Variants in SMG9 observed in about 807,000 individuals in gnomAD.
The protein encoded by SMG9 is SMG9 nonsense mediated mRNA decay factor.
In SMG9, 55 loss-of-function variants were observed where a neutral mutation model predicts 64.0. The observed-to-expected ratio is 0.86, with a 90% CI of 0.69 to 1.08. SMG9 has a LOEUF of 1.08. Ranked by LOEUF, SMG9 falls within the 50% of genes least tolerant of loss-of-function variation. The pLI is 0.00. For missense variants in SMG9, 554 were observed against 681.3 expected (o/e 0.81, Z 2.08); for synonymous variants, 244 against 254.8 (o/e 0.96, Z 0.41).
rs1049888738 is a variant in SMG9, at chr19:43,730,486, G to A, written c.*1110C>T. The A allele has an allele frequency of 6.6e-6, 1 of 152,132 alleles. No individual in the cohort carries two copies. Among genetic ancestry groups the A allele is most frequent in the Non-Finnish European group, 1.5e-5 (1 of 68,030 alleles). The allele number at this position is 152,132 out of a possible 1,614,324, so 9.4% of individuals were successfully genotyped here. ...CCAACAGAAGGCACTGTCTGTACGG[G>A]TGAGGCATGGTATTTGGATTAAGGG... On this transcript the variant is annotated 3_prime_UTR_variant, in exon 14 of 14. Transcript: ENST00000270066.
chr19:43,751,035 G>C, intron 1 of SMG9, among the ~76,000 whole-genome samples: 1 of 151,934 alleles, frequency 6.6e-6, no homozygotes. Flanking sequence ...ATGTTGGCCA[G>C]GCTGGTCTCG....
intron 10 of SMG9, chr19:43,734,050 G>T: frequency 1.9e-6 from 1 of 526,038 alleles, no homozygotes; most frequent in East Asian, 3.1e-5. Context: ...GGCTAGAGGA[G>T]GGAGAACAGG....
At chr19:43,732,760 A>T in intron 13 of SMG9, 98 bp downstream of exon 13, 1 of 1,435,256 alleles carries the variant, frequency 7.0e-7, no homozygotes, top group Admixed American at 1.8e-5. Flanking sequence ...TCTGGAGAGG[A>T]GGGGCTTCAC....
intron 6 of SMG9, 146 bp from the exon 7 acceptor site, chr19:43,740,364 T>C: frequency 1.6e-6 from 1 of 636,876 alleles, no homozygotes; most frequent in East Asian, 2.8e-5. Flanking sequence ...TGTCAGGGGG[T>C]GGGAGGCGGG....
intron 5 of SMG9, 29 bp downstream of exon 5, chr19:43,747,413 A>G (rs758099255): frequency 1.2e-6 from 2 of 1,603,596 alleles, no homozygotes; most frequent in Non-Finnish European, 1.7e-6. Context: ...GATGTGCGGA[A>G]GCTCAGGCAG....
At chr19:43,732,751 C>A in intron 13 of SMG9, 107 bp downstream of exon 13, 4 of 1,370,646 alleles carry the variant, frequency 2.9e-6, no homozygotes, top group Non-Finnish European at 4.1e-6. Context: ...AACCTGGGAT[C>A]TGGAGAGGAG....
chr19:43,741,636 T>G (rs1275539526), intron 6 of SMG9, among the ~76,000 whole-genome samples: 1 of 152,146 alleles, frequency 6.6e-6, no homozygotes, highest in Non-Finnish European at 1.5e-5. Context: ...TGGCCTTATC[T>G]CCTACCACTC....
chr19:43,734,509 G>T lies in SMG9; in HGVS notation c.996-14C>A. The T allele has an allele frequency of 1.3e-6, 2 of 1,539,810 alleles. No individual in the cohort carries two copies. Among genetic ancestry groups the T allele is most frequent in the Non-Finnish European group, 1.8e-6 (2 of 1,136,596 alleles). On this transcript the variant is annotated splice_polypyrimidine_tract_variant and intron_variant, in intron 9 of 13. Coordinates refer to ENST00000270066, the MANE Select transcript of SMG9 (RefSeq NM_019108.4). The stretch of plus-strand genomic sequence containing the variant: ...GTCTGCAGGAACCTTGGGGTTTGGG[G>T]TGAGTGGCTGTTGCTCTTGCACTTG...
At position 43,729,047 on chromosome 19, in the gene SMG9, C is replaced by A. The variant is rs557919964; in HGVS notation, c.*2549G>T. ...TGCTGGCAGCATCAGCCTGAGTCCT[C>A]TGCTGGATGTAAAGGGGGTGGCGGG... is the stretch of plus-strand genomic sequence containing the variant. On this transcript the variant is annotated 3_prime_UTR_variant, in exon 14 of 14. Transcript: ENST00000270066. 11 of 985,462 alleles carry A rather than the reference C, an allele frequency of 1.1e-5. No individual in the cohort carries two copies. The South Asian group carries it at 4.2e-4, about 38-fold the overall frequency. 61.0% of individuals were successfully genotyped at this position (985,462 alleles called of 1,614,324 possible).
Position 43,733,018 on chromosome 19 carries a change from A to G in SMG9, c.1340-16T>C, listed in dbSNP as rs973836708. 2 of 1,600,884 alleles carry G rather than the reference A, an allele frequency of 1.2e-6. No individual in the cohort carries two copies. The highest frequency in any genetic ancestry group is 1.3e-5 in the African/African-American group (1 of 74,658). On this transcript the variant is annotated splice_polypyrimidine_tract_variant and intron_variant, in intron 12 of 13. Coordinates refer to ENST00000270066, the MANE Select transcript of SMG9 (RefSeq NM_019108.4). The stretch of plus-strand genomic sequence containing the variant: ...GAACCAGGTCCTGGAAAGTTGGGGC[A>G]GGGAGGGTAAGAGGGATAGACTGCC...
intron 9 of SMG9, among the ~76,000 whole-genome samples, chr19:43,735,105 G>A (rs1182796145): frequency 6.6e-6 from 1 of 152,134 alleles, no homozygotes; most frequent in East Asian, 1.9e-4. Context: ...CAGACTGTCT[G>A]TATAGTTGGA....
Position 43,734,573 on chromosome 19 carries a change from G to C in SMG9, c.996-78C>G, listed in dbSNP as rs2146362937. Reference sequence around the variant, plus strand: ...ACAGCCTGGGACAGGGGCTTCCTTTGAGATTCTGATGAAAGCTACAGCCAT... The same window carrying C: ...ACAGCCTGGGACAGGGGCTTCCTTTCAGATTCTGATGAAAGCTACAGCCAT... On this transcript the variant is annotated intron_variant, in intron 9 of 13. Transcript: ENST00000270066. The C allele has an allele frequency of 3.3e-6, 3 of 916,960 alleles. No individual in the cohort carries two copies. The East Asian group carries it at 8.0e-5, about 24-fold the overall frequency. The allele number at this position is 916,960 out of a possible 1,614,324, so 56.8% of individuals were successfully genotyped here. A position where few individuals can be genotyped will look rare whatever the true frequency, so the allele number is the denominator to read the frequency against.
In SMG9 at chr19:43,731,656, C is replaced by T. The variant is rs1051561379; in HGVS notation, c.1503G>A (p.Arg501=). The T allele has an allele frequency of 4.3e-6, 7 of 1,614,122 alleles. No individual in the cohort carries two copies. Among genetic ancestry groups the T allele is most frequent in the African/African-American group, 1.3e-5 (1 of 74,954 alleles). ...TEKNWFHYAA[R]IWDGVRKSSA... Reference sequence around the variant, plus strand: ...AGGACTTTCTCACCCCATCCCAGATCCGGGCAGCGTAGTGGAACCTGTGAG... The same window carrying T: ...AGGACTTTCTCACCCCATCCCAGATTCGGGCAGCGTAGTGGAACCTGTGAG... The change falls in exon 14 of 14, where the codon CGG becomes CGA. Residue 501 remains arginine, a synonymous_variant. Transcript: ENST00000270066.
Position 43,731,665 on chromosome 19 carries a change from G to C in SMG9, c.1494C>G (p.Tyr498Ter), listed in dbSNP as rs752275843. Residue 498 changes from tyrosine to a stop codon, truncating the protein, a stop_gained, in exon 14 of 14, where the codon TAC (tyrosine) becomes TAG (stop). Transcript: ENST00000270066. LOFTEE classifies it high-confidence loss of function. ...TCACCCCATCCCAGATCCGGGCAGC[G>C]TAGTGGAACCTGTGAGGAGGCCAAC... ...TILTEKNWFH[Y>*]AARIWDGVRK... 1 of 1,614,240 alleles carries C rather than the reference G, an allele frequency of 6.2e-7. No homozygotes were observed. The highest frequency in any genetic ancestry group is 1.1e-5 in the South Asian group (1 of 91,086).
rs987158089 is a variant in SMG9, at chr19:43,737,901, G to A, written c.910-219C>T. On this transcript the variant is annotated intron_variant, in intron 8 of 13. Transcript: ENST00000270066. Reference sequence around the variant, plus strand: ...ATTTTACACAGGCAGATGCTGAGGCGTCAAAGGGGAGGGGGTGGGAAATGA... The same window carrying A: ...ATTTTACACAGGCAGATGCTGAGGCATCAAAGGGGAGGGGGTGGGAAATGA... 3.1e-5 allele frequency: 20 copies of A among 647,916 alleles called. No individual in the cohort carries two copies. The Middle Eastern group carries it at 1.3e-3, about 41-fold the overall frequency. The allele number at this position is 647,916 out of a possible 1,614,324, so 40.1% of individuals were successfully genotyped here.
In SMG9 at chr19:43,748,014, T is replaced by C; in HGVS notation, c.189A>G (p.Lys63=). Residue 63 remains lysine (K), a synonymous_variant, in exon 3 of 14, where the codon AAA becomes AAG. Transcript: ENST00000270066. ...SEETSTSVMQ[K]TPIILSKPPA... is the part of the protein sequence containing the mutation. ...GAGGTTTTGAGAGGATGATGGGGGT[T>C]TTCTGCATGACGGAAGTGCTTGTCT... 6.2e-7 allele frequency: 1 copy of C among 1,613,540 alleles called. No homozygotes were observed. Among genetic ancestry groups the C allele is most frequent in the Non-Finnish European group, 8.5e-7 (1 of 1,179,776 alleles).
intron 9 of SMG9, among the ~76,000 whole-genome samples, chr19:43,735,446 T>C (rs1968625617): frequency 6.6e-6 from 1 of 151,796 alleles, no homozygotes; most frequent in Admixed American, 6.6e-5. Context: ...CGCGAAACTG[T>C]GTCTCTACTA....
Position 43,729,687 on chromosome 19 carries a change from T to A in SMG9, c.*1909A>T, listed in dbSNP as rs1308651948. ...CCCCCTGGGGAAGCAGGGGTGGGGATGAGACTTGGGGCAGACATTTTGACA... is the reference window on the plus strand; with the variant it reads ...CCCCCTGGGGAAGCAGGGGTGGGGAAGAGACTTGGGGCAGACATTTTGACA... On this transcript the variant is annotated 3_prime_UTR_variant, in exon 14 of 14. Transcript: ENST00000270066. The A allele has an allele frequency of 6.6e-6, 1 of 152,412 alleles. No homozygotes were observed. The highest frequency in any genetic ancestry group is 2.4e-5 in the African/African-American group (1 of 41,410). The allele number at this position is 152,412 out of a possible 1,614,324, so 9.4% of individuals were successfully genotyped here.
At position 43,734,627 on chromosome 19, in the gene SMG9, G is replaced by A. The variant is rs1215206101; in HGVS notation, c.996-132C>T. On this transcript the variant is annotated intron_variant, in intron 9 of 13. Coordinates refer to ENST00000270066, the MANE Select transcript of SMG9 (RefSeq NM_019108.4). ...CAGAAAAATACCATATACACACCAT[G>A]TTTCTCACAATTTCAGAGAATTCAG... 7 of 560,570 alleles carry A rather than the reference G, an allele frequency of 1.2e-5. No individual in the cohort carries two copies. The African/African-American group carries it at 1.3e-4, about 10-fold the overall frequency. The allele number at this position is 560,570 out of a possible 1,614,324, so 34.7% of individuals were successfully genotyped here.
Sources: allele counts gnomAD v4.1 joint callset (sites outside exome capture counted in the v4.1 genomes callset), GRCh38; gene constraint gnomAD v4.1.1; transcripts MANE v1.5; gene names NCBI Gene and HGNC (gene_info 2026-07-23, HGNC 2026-07-21).